The following TMEM117 variants were observed in gnomAD, a reference collection of about 807,000 sequenced individuals.
TMEM117 encodes the protein transmembrane protein 117.
In TMEM117, 27 loss-of-function variants were observed where a neutral mutation model predicts 52.4. That is an observed-to-expected ratio of 0.51 (90% CI 0.38 to 0.71). The LOEUF (loss-of-function observed/expected upper bound fraction) is 0.71. Ranked by LOEUF, TMEM117 falls within the 30% of genes least tolerant of loss-of-function variation. The probability of loss-of-function intolerance (pLI) is 0.00; values close to 1 mark genes in which losing one functional copy is unlikely to be tolerated. For missense variants in TMEM117, 556 were observed against 630.5 expected (o/e 0.88, Z 1.26); for synonymous variants, 215 against 206.3 (o/e 1.04, Z -0.36).
At chr12:44,162,564 C>T (rs1313246741) in intron 4 of TMEM117, among the ~76,000 whole-genome samples, 2 of 152,148 alleles carry the variant, frequency 1.3e-5, no homozygotes, top group African/African-American at 2.4e-5. Context: ...CAAAACCTAA[C>T]GCTTTTACAA....
chr12:43,957,386 C>A (rs1047210004), intron 3 of TMEM117, among the ~76,000 whole-genome samples: 15 of 152,176 alleles, frequency 9.9e-5, no homozygotes, highest in African/African-American at 3.6e-4. Context: ...AATGAGAATT[C>A]TATAGTAATC....
chr12:44,359,737 A>G (rs1004921709), intron 6 of TMEM117, among the ~76,000 whole-genome samples: 7 of 152,220 alleles, frequency 4.6e-5, no homozygotes, highest in Admixed American at 2.6e-4. Flanking sequence ...ACATTTAAAC[A>G]TGACTGCATA....
At chr12:44,020,121 C>T (rs863580) in intron 3 of TMEM117, among the ~76,000 whole-genome samples, 50,176 of 151,910 alleles carry the variant, frequency 0.33, 13,105 homozygotes, top group African/African-American at 0.73. Flanking sequence ...ATTAAAAAAT[C>T]CCAGGTTTTT....
At chr12:44,179,201 C>A (rs1311554140) in intron 4 of TMEM117, among the ~76,000 whole-genome samples, 1 of 151,790 alleles carries the variant, frequency 6.6e-6, no homozygotes, top group African/African-American at 2.4e-5. Context: ...CTCAAAAAAA[C>A]AAAACAAAGC....
intron 3 of TMEM117, among the ~76,000 whole-genome samples, chr12:43,948,648 A>G (rs903493558): frequency 6.6e-6 from 1 of 152,114 alleles, no homozygotes; most frequent in African/African-American, 2.4e-5. Flanking sequence ...TGCTGAGGAG[A>G]AGGTGCTGAT....
chr12:44,326,954 G>A (rs956065503), intron 6 of TMEM117, among the ~76,000 whole-genome samples: 2 of 152,178 alleles, frequency 1.3e-5, no homozygotes, highest in Non-Finnish European at 2.9e-5. Flanking sequence ...CGGAGGCCTT[G>A]GAAGTCAGTT....
intron 3 of TMEM117, among the ~76,000 whole-genome samples, chr12:44,007,906 G>C (rs933609276): frequency 1.3e-5 from 2 of 152,038 alleles, no homozygotes; most frequent in African/African-American, 4.8e-5. Flanking sequence ...ACGTGGAACT[G>C]TAAGTCCACT....
intron 5 of TMEM117, among the ~76,000 whole-genome samples, chr12:44,227,149 A>G (rs1949872506): frequency 6.6e-6 from 1 of 152,188 alleles, no homozygotes; most frequent in African/African-American, 2.4e-5. Flanking sequence ...TTACAGGGTC[A>G]TAGCAGTAAC....
intron 6 of TMEM117, among the ~76,000 whole-genome samples, chr12:44,365,282 A>G (rs1382800504): frequency 6.6e-6 from 1 of 151,990 alleles, no homozygotes; most frequent in African/African-American, 2.4e-5. Context: ...CAGGTGCTCC[A>G]GGTAGCAAAA....
chr12:44,204,402 T>A (rs955339663), intron 4 of TMEM117, among the ~76,000 whole-genome samples: 1 of 152,130 alleles, frequency 6.6e-6, no homozygotes, highest in Non-Finnish European at 1.5e-5. Context: ...GAAAACACTT[T>A]TGAAAGAAAT....
chr12:44,371,945 T>A (rs1331007083), intron 6 of TMEM117, among the ~76,000 whole-genome samples: 1 of 152,220 alleles, frequency 6.6e-6, no homozygotes, highest in Admixed American at 6.5e-5. Context: ...TATTTTTATA[T>A]GGGAAATACA....
chr12:43,973,481 G>A (rs1449095282), intron 3 of TMEM117, among the ~76,000 whole-genome samples: 1 of 152,150 alleles, frequency 6.6e-6, no homozygotes, highest in African/African-American at 2.4e-5. Context: ...AAGCAGTTAA[G>A]ATTTTCGGCT....
intron 2 of TMEM117, among the ~76,000 whole-genome samples, chr12:43,868,284 T>C: frequency 6.6e-6 from 1 of 151,706 alleles, no homozygotes; most frequent in Non-Finnish European, 1.5e-5. Flanking sequence ...CTCATGCCTG[T>C]TATCCTAGCA....
chr12:44,077,080 A>G (rs1947394245), intron 3 of TMEM117, among the ~76,000 whole-genome samples: 2 of 152,186 alleles, frequency 1.3e-5, no homozygotes, highest in South Asian at 2.1e-4. Context: ...GAGACATTAC[A>G]ACAAGTTCCT....
Position 44,299,633 on chromosome 12 carries a change from G to A in TMEM117, c.662G>A (p.Trp221Ter). 6.2e-7 allele frequency: 1 copy of A among 1,614,192 alleles called. No individual in the cohort carries two copies. The highest frequency in any genetic ancestry group is 8.5e-7 in the Non-Finnish European group (1 of 1,180,022). Residue 221 changes from tryptophan to a stop codon, truncating the protein, a stop_gained, in exon 6 of 8, where the codon TGG (tryptophan) becomes TAG (stop). Transcript: ENST00000266534. LOFTEE classifies it high-confidence loss of function. ...SVVVLVITTD[W>*]ISWDKLNRGF... ...GTTGTACTTGTGATTACAACGGACT[G>A]GATCAGCTGGGACAAGCTGAATCGG...
chr12:44,132,036 C>T (rs576327443), intron 3 of TMEM117, among the ~76,000 whole-genome samples: 28 of 151,914 alleles, frequency 1.8e-4, no homozygotes, highest in Non-Finnish European at 3.2e-4. Flanking sequence ...ACAGGCTGAG[C>T]GATAAAAAGA....
chr12:44,370,280 A>G (rs974008694), intron 6 of TMEM117, among the ~76,000 whole-genome samples: 1 of 151,674 alleles, frequency 6.6e-6, no homozygotes, highest in Middle Eastern at 3.2e-3. Context: ...CTAATTGTCC[A>G]CTCCTTTCCT....
At chr12:43,845,247 G>T (rs995682198) in intron 2 of TMEM117, among the ~76,000 whole-genome samples, 6 of 151,916 alleles carry the variant, frequency 3.9e-5, no homozygotes, top group Admixed American at 2.6e-4. Flanking sequence ...GATCACTTGA[G>T]GTCAGAAGTT....
intron 3 of TMEM117, among the ~76,000 whole-genome samples, chr12:44,071,402 G>T (rs1947299950): frequency 6.6e-6 from 1 of 152,176 alleles, no homozygotes; most frequent in Non-Finnish European, 1.5e-5. Context: ...ATGAAAGAAT[G>T]TAGAAAGCCC....
Sources: allele counts gnomAD v4.1 joint callset (sites outside exome capture counted in the v4.1 genomes callset), GRCh38; gene constraint gnomAD v4.1.1; transcripts MANE v1.5; gene names NCBI Gene and HGNC (gene_info 2026-07-23, HGNC 2026-07-21).